The following GHITM variants were observed in gnomAD, a reference collection of about 807,000 sequenced individuals.
The protein encoded by GHITM is growth hormone inducible transmembrane protein.
Under a neutral mutation model 38.7 loss-of-function variants are expected in GHITM, and 24 were observed. That is an observed-to-expected ratio of 0.62 (90% CI 0.45 to 0.87). GHITM has a LOEUF of 0.87. GHITM is among the 40% of genes least tolerant of loss of function. The probability of loss-of-function intolerance (pLI) is 0.00; values close to 1 mark genes in which losing one functional copy is unlikely to be tolerated. For missense variants in GHITM, 420 were observed against 429.8 expected, an observed-to-expected ratio of 0.98 and a Z score of 0.20; for synonymous variants, 154 against 147.8, an observed-to-expected ratio of 1.04 and a Z score of -0.30.
rs1841597580 is a variant in GHITM at position 84,150,200 on chromosome 10, A to G, written c.738A>G (p.Ala246=). The G allele has an allele frequency of 1.2e-6, 2 of 1,612,878 alleles. No individual in the cohort carries two copies. Among genetic ancestry groups the G allele is most frequent in the Admixed American group, 1.7e-5 (1 of 59,966 alleles). The change falls in exon 7 of 9, where the codon GCA becomes GCG. Residue 246 remains alanine (A), a synonymous_variant. Transcript: ENST00000372134. ...GTGAAAAGTTTCTGAACATGGGTGCACCCCTGGGAGTGGGCCTGGGTCTCG... is the reference window on the plus strand; with the variant it reads ...GTGAAAAGTTTCTGAACATGGGTGCGCCCCTGGGAGTGGGCCTGGGTCTCG... ...APSEKFLNMG[A]PLGVGLGLVF...
Position 84,152,884 on chromosome 10 carries a change from G to C in GHITM, c.*536G>C, listed in dbSNP as rs888217306. The C allele has an allele frequency of 6.6e-6, 1 of 152,336 alleles. No homozygotes were observed. Among genetic ancestry groups the C allele is most frequent in the Non-Finnish European group, 1.5e-5 (1 of 68,080 alleles). The allele number at this position is 152,336 out of a possible 1,614,324, so 9.4% of individuals were successfully genotyped here. On this transcript the variant is annotated 3_prime_UTR_variant, in exon 9 of 9. Transcript: ENST00000372134. ...GAAACATCTGGGTATTTGGAAACAA[G>C]TGGTCATTGTTACATTCATCTGCTG...
chr10:84,152,662 G>T lies in GHITM; in HGVS notation c.*314G>T. The T allele has an allele frequency of 4.3e-6, 1 of 229,910 alleles. No homozygotes were observed. The highest frequency in any genetic ancestry group is 8.4e-6 in the Non-Finnish European group (1 of 119,214). The allele number at this position is 229,910 out of a possible 1,614,324, so 14.2% of individuals were successfully genotyped here. A position where few individuals can be genotyped will look rare whatever the true frequency, so the allele number is the denominator to read the frequency against. On this transcript the variant is annotated 3_prime_UTR_variant, in exon 9 of 9. Transcript: ENST00000372134. ...AGTCTTTTTTCTACTTTAAAATTTA[G>T]TAGGTTCACTGAGTAACTAAAATTT...
Position 84,152,547 on chromosome 10 carries a change from A to C in GHITM, c.*199A>C, listed in dbSNP as rs952428144. 2 of 406,666 alleles carry C rather than the reference A, an allele frequency of 4.9e-6. No individual in the cohort carries two copies. Among genetic ancestry groups the C allele is most frequent in the Non-Finnish European group, 8.7e-6 (2 of 229,496 alleles). 25.2% of individuals were successfully genotyped at this position (406,666 alleles called of 1,614,324 possible). On this transcript the variant is annotated 3_prime_UTR_variant, in exon 9 of 9. Transcript: ENST00000372134. ...AATAAATGCAGTAATCCTCTCCCAAATAAGCACACACATTTTCAATTCTCA... is the reference window on the plus strand; with the variant it reads ...AATAAATGCAGTAATCCTCTCCCAACTAAGCACACACATTTTCAATTCTCA...
intron 4 of GHITM, 85 bp downstream of exon 4, chr10:84,144,191 T>C (rs905417358): frequency 1.2e-6 from 1 of 811,092 alleles, no homozygotes. Context: ...TTCCTATCTT[T>C]AGTCACTTTG....
At position 84,153,262 on chromosome 10, in the gene GHITM, C is replaced by T. The variant is rs1247468857; in HGVS notation, c.*914C>T. 6.6e-6 allele frequency: 1 copy of T among 152,114 alleles called. No homozygotes were observed. The highest frequency in any genetic ancestry group is 1.5e-5 in the Non-Finnish European group (1 of 68,008). 9.4% of individuals were successfully genotyped at this position (152,114 alleles called of 1,614,324 possible). A position where few individuals can be genotyped will look rare whatever the true frequency, so the allele number is the denominator to read the frequency against. ...CTTGTCACCTCTTCAAGCTTTCAAGCCTTTATAGAAAAGCTTCTTTGTGGC... is the reference window on the plus strand; with the variant it reads ...CTTGTCACCTCTTCAAGCTTTCAAGTCTTTATAGAAAAGCTTCTTTGTGGC... On this transcript the variant is annotated 3_prime_UTR_variant, in exon 9 of 9. Coordinates refer to ENST00000372134, the MANE Select transcript of GHITM (RefSeq NM_014394.3).
intron 3 of GHITM, 55 bp downstream of exon 3, chr10:84,142,809 T>C (rs757178956): frequency 4.4e-5 from 39 of 883,238 alleles, no homozygotes; most frequent in African/African-American, 1.2e-4. Context: ...TTTTAAGAGG[T>C]CCATGAACAA....
chr10:84,150,620 G>A, intron 7 of GHITM, 89 bp from the exon 8 acceptor site: 1 of 1,032,414 alleles, frequency 9.7e-7, no homozygotes, highest in Non-Finnish European at 1.4e-6. Context: ...GTATACCAAG[G>A]AGATTTTTTT....
chr10:84,142,717 G>A lies in GHITM; in HGVS notation c.192G>A (p.Glu64=). 1 of 1,611,082 alleles carries A rather than the reference G, an allele frequency of 6.2e-7. No homozygotes were observed. The highest frequency in any genetic ancestry group is 8.5e-7 in the Non-Finnish European group (1 of 1,177,604). Residue 64 remains glutamate (E), a synonymous_variant, in exon 3 of 9, where the codon GAG becomes GAA. Coordinates refer to ENST00000372134, the MANE Select transcript of GHITM (RefSeq NM_014394.3). ...RRGRTGQELK[E]AALEPSMEKI... ...GGAGAACTGGCCAAGAACTCAAAGA[G>A]GCAGCATTGGAACCATCGATGGAAA...
chr10:84,151,901 T>C (rs1841615808), intron 8 of GHITM, among the ~76,000 whole-genome samples: 1 of 152,152 alleles, frequency 6.6e-6, no homozygotes, highest in African/African-American at 2.4e-5. Context: ...GTGGGTCTTT[T>C]ATATTAAAAA....
chr10:84,145,626 A>C (rs1288815242), intron 5 of GHITM, among the ~76,000 whole-genome samples: 2 of 152,264 alleles, frequency 1.3e-5, no homozygotes, highest in Non-Finnish European at 2.9e-5. Context: ...TGCTGCTACT[A>C]TTATTCCTAA....
chr10:84,151,905 T>C (rs1841616159), intron 8 of GHITM, among the ~76,000 whole-genome samples: 1 of 152,158 alleles, frequency 6.6e-6, no homozygotes, highest in Non-Finnish European at 1.5e-5. Flanking sequence ...GTCTTTTATA[T>C]TAAAAAATGC....
chr10:84,150,999 G>A (rs1841607013), intron 8 of GHITM, 119 bp downstream of exon 8: 4 of 632,168 alleles, frequency 6.3e-6, no homozygotes, highest in East Asian at 5.6e-5. Flanking sequence ...ACAAAGTATC[G>A]CAGACTGGGT....
At chr10:84,146,227 A>G (rs1251128388) in intron 5 of GHITM, among the ~76,000 whole-genome samples, 1 of 152,198 alleles carries the variant, frequency 6.6e-6, no homozygotes, top group Non-Finnish European at 1.5e-5. Flanking sequence ...TAGAAAGGAT[A>G]CAGTTGTCAA....
chr10:84,145,100 G>A, intron 5 of GHITM, 84 bp downstream of exon 5: 1 of 1,065,224 alleles, frequency 9.4e-7, no homozygotes, highest in Non-Finnish European at 1.3e-6. Flanking sequence ...GTTATTAAAT[G>A]GAAAGAATAC....
In GHITM at chr10:84,150,730, C is replaced by T. The variant is rs1434610894; in HGVS notation, c.803C>T (p.Thr268Ile). The change falls in exon 8 of 9, where the codon ACC becomes ATC. Residue 268 changes from threonine (T) to isoleucine (I), a missense_variant. Transcript: ENST00000372134. ...TCAGGATCTATGTTTCTTCCACCTA[C>T]CACCGTGGCTGGTGCCACTCTTTAC... ...SSLGSMFLPP[T>I]TVAGATLYSV... 3 of 1,605,690 alleles carry T rather than the reference C, an allele frequency of 1.9e-6. No individual in the cohort carries two copies. The highest frequency in any genetic ancestry group is 2.2e-5 in the East Asian group (1 of 44,708).
chr10:84,152,191 C>T, intron 8 of GHITM, 73 bp from the exon 9 acceptor site: 1 of 699,044 alleles, frequency 1.4e-6, no homozygotes. Flanking sequence ...TATTTTTCTT[C>T]TTTTCTATAT....
Position 84,151,258 on chromosome 10 carries a change from G to A in GHITM, c.953+378G>A, listed in dbSNP as rs531907005. 1.1e-4 allele frequency among the ~76,000 whole-genome samples: 16 copies of A among 152,238 alleles called. No individual in the cohort carries two copies. The East Asian group carries it at 3.1e-3, about 29-fold the overall frequency. On this transcript the variant is annotated intron_variant, in intron 8 of 8. Coordinates refer to ENST00000372134, the MANE Select transcript of GHITM (RefSeq NM_014394.3). ...GGATTTCATTATATTTTGTTGGGGG[G>A]CAGAGGAGGGTCACAGCTCAAACCA...
At chr10:84,143,088 A>G (rs1272446620) in intron 3 of GHITM, among the ~76,000 whole-genome samples, 1 of 152,238 alleles carries the variant, frequency 6.6e-6, no homozygotes, top group Non-Finnish European at 1.5e-5. Flanking sequence ...GTTTCAGATT[A>G]AGAATAAATC....
intron 8 of GHITM, among the ~76,000 whole-genome samples, chr10:84,152,047 T>A (rs910724662): frequency 6.6e-6 from 1 of 152,228 alleles, no homozygotes; most frequent in African/African-American, 2.4e-5. Context: ...ATGATTTTTT[T>A]AAACTGCTCT....
Sources: allele counts gnomAD v4.1 joint callset (sites outside exome capture counted in the v4.1 genomes callset), GRCh38; gene constraint gnomAD v4.1.1; transcripts MANE v1.5; gene names NCBI Gene and HGNC (gene_info 2026-07-23, HGNC 2026-07-21).